OTUD7A: variants seen among roughly 807,000 people sequenced by gnomAD.
OTUD7A encodes the protein OTU domain-containing protein 7A.
OTUD7A carries 12 observed loss-of-function variants against 65.7 expected under a neutral mutation model. The observed-to-expected ratio is 0.18, with a 90% CI of 0.12 to 0.30. The LOEUF is 0.30. OTUD7A is among the 10% of genes least tolerant of loss of function. The pLI is 1.00. For missense variants in OTUD7A, 1,148 were observed against 1,304.8 expected (o/e 0.88, Z 1.85); for synonymous variants, 641 against 586.3 (o/e 1.09, Z -1.35).
At chr15:31,803,685 A>G (rs963830445) in intron 1 of OTUD7A, among the ~76,000 whole-genome samples, 1 of 152,194 alleles carries the variant, frequency 6.6e-6, no homozygotes, top group African/African-American at 2.4e-5. Context: ...GAGGTGTGTC[A>G]CCCTGTTCTC....
Position 31,795,660 on chromosome 15 carries a change from C to T in OTUD7A, c.-100+74847G>A, listed in dbSNP as rs534241752. Among the ~76,000 whole-genome samples, 7 of 152,294 alleles carry T rather than the reference C, an allele frequency of 4.6e-5. No individual in the cohort carries two copies. The East Asian group carries it at 1.4e-3, about 29-fold the overall frequency. On this transcript the variant is annotated intron_variant, in intron 1 of 12. Transcript: ENST00000307050. ...GGCACAGTACAGTTACACACCCAGC[C>T]ACTCTCCCCGGCCTGCACGTTCCTG... is the stretch of plus-strand genomic sequence containing the variant.
At position 31,535,681 on chromosome 15, in the gene OTUD7A, T is replaced by TG. The variant is rs970842458; in HGVS notation, c.551-4874_551-4873insC. 3.3e-4 allele frequency among the ~76,000 whole-genome samples: 48 copies of TG among 145,658 alleles called. No homozygotes were observed. The South Asian group carries it at 5.6e-3, about 17-fold the overall frequency. ...ACCTTGGGTTCTGTTTTTGTTTTTT[T>TG]TTTTTTTTTTTTTGAGACAGAGTCT... On this transcript the variant is annotated intron_variant, in intron 5 of 12. Coordinates refer to ENST00000307050, the MANE Select transcript of OTUD7A (RefSeq NM_001382637.1).
At chr15:31,796,173 G>C (rs1319152166) in intron 1 of OTUD7A, among the ~76,000 whole-genome samples, 1 of 129,302 alleles carries the variant, frequency 7.7e-6, no homozygotes, top group Non-Finnish European at 1.7e-5. Context: ...GTGTATCTAT[G>C]TATGTATCTA....
chr15:31,527,148 TC>T, intron 7 of OTUD7A, 32 bp downstream of exon 7: 1 of 1,613,112 alleles, frequency 6.2e-7, no homozygotes, highest in Non-Finnish European at 8.5e-7. Flanking sequence ...CTGGCCTGGG[TC>T]CCGGGCTCTG....
At chr15:31,510,586 C>CATAT (rs1491164441) in intron 8 of OTUD7A, among the ~76,000 whole-genome samples, 1 of 31,328 alleles carries the variant, frequency 3.2e-5, no homozygotes, top group African/African-American at 1.4e-4. Flanking sequence ...ATGTAACATA[C>CATAT]ATATGTATAT....
intron 1 of OTUD7A, among the ~76,000 whole-genome samples, chr15:31,800,547 A>T (rs918658749): frequency 6.6e-6 from 1 of 152,096 alleles, no homozygotes; most frequent in Non-Finnish European, 1.5e-5. Context: ...AACCTACCCA[A>T]TGGCCTCTGT....
chr15:31,496,812 G>T (rs1256497924), intron 10 of OTUD7A, among the ~76,000 whole-genome samples: 2 of 152,172 alleles, frequency 1.3e-5, no homozygotes, highest in African/African-American at 4.8e-5. Context: ...GAAGTACTCT[G>T]TTTGGCTCCC....
chr15:31,618,343 G>A (rs1890660871), intron 3 of OTUD7A, among the ~76,000 whole-genome samples: 1 of 152,228 alleles, frequency 6.6e-6, no homozygotes. Flanking sequence ...AAATACCTGA[G>A]GAATCGCCAC....
intron 4 of OTUD7A, among the ~76,000 whole-genome samples, chr15:31,562,056 A>T (rs1318462724): frequency 2.0e-5 from 3 of 152,006 alleles, no homozygotes; most frequent in Non-Finnish European, 4.4e-5. Flanking sequence ...GGGTCTTGCC[A>T]TGTTGCCCTG....
intron 1 of OTUD7A, among the ~76,000 whole-genome samples, chr15:31,754,917 G>A (rs188472498): frequency 9.2e-4 from 140 of 152,262 alleles, no homozygotes; most frequent in Non-Finnish European, 1.5e-3. Flanking sequence ...GTAGGGGTAT[G>A]AAGGAGGTTC....
intron 1 of OTUD7A, among the ~76,000 whole-genome samples, chr15:31,664,142 AG>A (rs1892252131): frequency 6.6e-6 from 1 of 152,214 alleles, no homozygotes; most frequent in African/African-American, 2.4e-5. Flanking sequence ...TGCGTGTGCA[AG>A]TATCTTCTTC....
At chr15:31,627,044 A>T (rs1317967434) in intron 3 of OTUD7A, among the ~76,000 whole-genome samples, 2 of 151,766 alleles carry the variant, frequency 1.3e-5, no homozygotes, top group East Asian at 3.9e-4. Context: ...CATCTGATTG[A>T]TCAGGCTGGT....
At chr15:31,810,740 G>A (rs1382638971) in intron 1 of OTUD7A, among the ~76,000 whole-genome samples, 1 of 152,172 alleles carries the variant, frequency 6.6e-6, no homozygotes, top group African/African-American at 2.4e-5. Flanking sequence ...GCTCCAAAGA[G>A]CCATTTTAGT....
chr15:31,770,667 T>C (rs1895210700), intron 1 of OTUD7A, among the ~76,000 whole-genome samples: 1 of 152,136 alleles, frequency 6.6e-6, no homozygotes. Flanking sequence ...TAACAAAATA[T>C]GAGCAAACCA....
chr15:31,676,059 A>T (rs1307663839), intron 1 of OTUD7A, among the ~76,000 whole-genome samples: 1 of 152,164 alleles, frequency 6.6e-6, no homozygotes, highest in East Asian at 1.9e-4. Flanking sequence ...ACAATTTTGA[A>T]GAAAATAAGT....
At chr15:31,806,973 C>T (rs1896285557) in intron 1 of OTUD7A, among the ~76,000 whole-genome samples, 1 of 152,226 alleles carries the variant, frequency 6.6e-6, no homozygotes, top group Non-Finnish European at 1.5e-5. Context: ...TACTCATTCA[C>T]TTTTCCAAGA....
intron 3 of OTUD7A, among the ~76,000 whole-genome samples, chr15:31,590,905 C>G (rs376138638): frequency 5.9e-5 from 9 of 152,142 alleles, no homozygotes; most frequent in African/African-American, 2.2e-4. Flanking sequence ...GCTCCCTGTA[C>G]GTGCAGGCAT....
Position 31,758,295 on chromosome 15 carries a change from T to C in OTUD7A, c.-99-101218A>G, listed in dbSNP as rs186656788. 1.3e-3 allele frequency among the ~76,000 whole-genome samples: 195 copies of C among 152,044 alleles called. 2 individuals carry two copies. Among genetic ancestry groups the C allele is most frequent in the Non-Finnish European group, 1.6e-3 (112 of 67,956 alleles). On this transcript the variant is annotated intron_variant, in intron 1 of 12. Transcript: ENST00000307050. ...CACAAACAAGCAAAACAGGAAACAA[T>C]AGTGCCTTCCTGCTAAGCATGTGGT...
At chr15:31,639,051 G>A (rs1021688462) in intron 3 of OTUD7A, among the ~76,000 whole-genome samples, 41 of 152,060 alleles carry the variant, frequency 2.7e-4, no homozygotes, top group African/African-American at 9.4e-4. Context: ...GGAGAATGGC[G>A]TGAACCCGGG....
Sources: gnomAD v4.1 joint callset for allele counts (sites outside exome capture counted in the v4.1 genomes callset) on GRCh38, gnomAD v4.1.1 for gene constraint, MANE v1.5 for transcripts, NCBI Gene and HGNC (gene_info 2026-07-23, HGNC 2026-07-21) for gene names.